CDH3: variants seen among roughly 807,000 people sequenced by gnomAD.
The protein encoded by CDH3 is cadherin 3.
A neutral mutation model predicts 82.0 loss-of-function variants in CDH3; 54 were observed. The observed-to-expected ratio is 0.66, with a 90% CI of 0.53 to 0.83. The LOEUF (loss-of-function observed/expected upper bound fraction) is 0.83. Among genes scored for constraint, CDH3 ranks in the 40% least tolerant of loss-of-function variants. The pLI is 0.00. For missense variants in CDH3, 1,054 were observed against 1,084.6 expected, an observed-to-expected ratio of 0.97 and a Z score of 0.40; for synonymous variants, 446 against 437.9, an observed-to-expected ratio of 1.02 and a Z score of -0.23.
chr16:68,670,875 C>A (rs756134883), intron 2 of CDH3, among the ~76,000 whole-genome samples: 8 of 152,060 alleles, frequency 5.3e-5, no homozygotes, highest in Non-Finnish European at 7.4e-5. Context: ...GAGTTCGAGA[C>A]CACCCTGGCC....
intron 13 of CDH3, 23 bp downstream of exon 13, chr16:68,691,949 C>G: frequency 6.3e-7 from 1 of 1,590,526 alleles, no homozygotes; most frequent in Non-Finnish European, 8.6e-7. Flanking sequence ...CCCCCACCCC[C>G]TCCCTGAGGA....
downstream of CDH3, among the ~76,000 whole-genome samples, chr16:68,730,850 G>A (rs10852452): frequency 0.81 from 120,804 of 149,828 alleles, 49,441 homozygotes; most frequent in Non-Finnish European, 0.89. Flanking sequence ...GAGAAACCCC[G>A]TCTCTACTAA....
intron 9 of CDH3, among the ~76,000 whole-genome samples, chr16:68,683,418 G>A (rs1454730589): frequency 3.3e-5 from 5 of 152,020 alleles, no homozygotes; most frequent in East Asian, 1.9e-4. Context: ...TTGGGAGGCC[G>A]AGGTGGGTGG....
chr16:68,724,625 T>C (rs1239850874), intron 2 of CDH3, among the ~76,000 whole-genome samples: 2 of 59,070 alleles, frequency 3.4e-5, no homozygotes, highest in Admixed American at 3.4e-4. Context: ...GAGACCCTAT[T>C]ATTTAAAAAA....
At chr16:68,728,875 G>A (rs1034905280), downstream of CDH3, among the ~76,000 whole-genome samples, 14 of 152,220 alleles carry the variant, frequency 9.2e-5, no homozygotes, top group Middle Eastern at 3.4e-3. Flanking sequence ...GGGAGCGCCC[G>A]GCAACACTTA....
At chr16:68,665,387 G>A (rs8061606) in intron 2 of CDH3, among the ~76,000 whole-genome samples, 31,486 of 151,990 alleles carry the variant, frequency 0.21, 3,445 homozygotes, top group Middle Eastern at 0.25. Flanking sequence ...GGGTGACAGC[G>A]TTAGCCTCTG....
rs1000430760 is a variant in CDH3, at chr16:68,696,095, C to T, written c.2280+172C>T. 4.1e-6 allele frequency: 3 copies of T among 726,690 alleles called. No homozygotes were observed. The Admixed American group carries it at 6.1e-5, about 15-fold the overall frequency. The allele number at this position is 726,690 out of a possible 1,614,324, so 45.0% of individuals were successfully genotyped here. A position where few individuals can be genotyped will look rare whatever the true frequency, so the allele number is the denominator to read the frequency against. The stretch of plus-strand genomic sequence containing the variant: ...AGTAACTTCTGGGGTTTGTTTCTTC[C>T]TCCATAGAACTCACTTGCAGAGTGG... On this transcript the variant is annotated intron_variant, in intron 15 of 15. Coordinates refer to ENST00000264012, the MANE Select transcript of CDH3 (RefSeq NM_001793.6).
At chr16:68,672,889 T>A (rs1299721726) in intron 2 of CDH3, among the ~76,000 whole-genome samples, 3 of 152,218 alleles carry the variant, frequency 2.0e-5, no homozygotes, top group Non-Finnish European at 2.9e-5. Context: ...TTTGCCTGGA[T>A]GAGTTTTGCC....
At chr16:68,645,829 G>T in intron 2 of CDH3, 79 bp downstream of exon 2, 1 of 1,110,360 alleles carries the variant, frequency 9.0e-7, no homozygotes, top group Non-Finnish European at 1.3e-6. Context: ...GGGTGTTCGG[G>T]CCGGGGCAAG....
intron 2 of CDH3, among the ~76,000 whole-genome samples, chr16:68,726,260 A>G (rs909930378): frequency 3.3e-5 from 5 of 152,066 alleles, no homozygotes; most frequent in Non-Finnish European, 5.9e-5. Flanking sequence ...GGCTGGCCAG[A>G]GGACCAAATG....
chr16:68,709,294 C>G (rs1224288099), intron 1 of CDH3, among the ~76,000 whole-genome samples: 2 of 151,948 alleles, frequency 1.3e-5, no homozygotes, highest in Non-Finnish European at 2.9e-5. Context: ...AGGCTGGTCT[C>G]GATCTGGCTT....
chr16:68,682,697 C>T (rs1961267560), intron 9 of CDH3, among the ~76,000 whole-genome samples: 1 of 152,182 alleles, frequency 6.6e-6, no homozygotes. Flanking sequence ...AGGTAAGAGT[C>T]ACTGATTAAT....
At chr16:68,670,172 C>T (rs952411359) in intron 2 of CDH3, among the ~76,000 whole-genome samples, 10 of 143,960 alleles carry the variant, frequency 6.9e-5, no homozygotes, top group Non-Finnish European at 8.9e-5. Flanking sequence ...TGCAGTGAGC[C>T]GAGATTGCGC....
At chr16:68,692,012 G>A in intron 13 of CDH3, 86 bp downstream of exon 13, 1 of 1,078,308 alleles carries the variant, frequency 9.3e-7, no homozygotes, top group East Asian at 2.5e-5. Flanking sequence ...CTGGAACTAA[G>A]AGGCCACCAA....
chr16:68,667,462 G>A (rs1960764502), intron 2 of CDH3, among the ~76,000 whole-genome samples: 1 of 152,200 alleles, frequency 6.6e-6, no homozygotes, highest in African/African-American at 2.4e-5. Context: ...TGGACATTTT[G>A]TCTACGGAAA....
At chr16:68,681,159 A>G (rs1961218105) in intron 8 of CDH3, 63 bp downstream of exon 8, 1 of 1,590,046 alleles carries the variant, frequency 6.3e-7, no homozygotes, top group Non-Finnish European at 8.6e-7. Context: ...TGCCTTTCTC[A>G]GGAAACTGGA....
intron 3 of CDH3, among the ~76,000 whole-genome samples, chr16:68,677,724 C>G (rs746441055): frequency 3.3e-5 from 5 of 152,044 alleles, no homozygotes; most frequent in African/African-American, 1.2e-4. Context: ...GGTGGCAGAG[C>G]GAGACTCCGT....
chr16:68,653,378 C>A (rs915708307), intron 2 of CDH3, among the ~76,000 whole-genome samples: 1 of 151,942 alleles, frequency 6.6e-6, no homozygotes, highest in South Asian at 2.1e-4. Context: ...GCTGGGATTA[C>A]AGGCATGCGC....
chr16:68,731,057 T>C (rs1269587478), downstream of CDH3, among the ~76,000 whole-genome samples: 2 of 51,874 alleles, frequency 3.9e-5, no homozygotes, highest in Admixed American at 2.8e-4. Context: ...AATATATATA[T>C]ATATATATAT....
Sources: gnomAD v4.1 joint callset for allele counts (sites outside exome capture counted in the v4.1 genomes callset) on GRCh38, gnomAD v4.1.1 for gene constraint, MANE v1.5 for transcripts, NCBI Gene and HGNC (gene_info 2026-07-23, HGNC 2026-07-21) for gene names.